MYO3B: variants seen among roughly 807,000 people sequenced by gnomAD.
MYO3B encodes myosin IIIB, also known as myosin-IIIb.
Under a neutral mutation model 174.6 loss-of-function variants are expected in MYO3B, and 156 were observed. The observed-to-expected ratio is 0.89, with a 90% CI of 0.78 to 1.02. The LOEUF is 1.02. Among genes scored for constraint, MYO3B ranks in the 50% least tolerant of loss-of-function variants. The pLI, the probability that MYO3B is intolerant of heterozygous loss-of-function variation, is 0.00. For synonymous variants in MYO3B, 563 were observed against 569.1 expected, an observed-to-expected ratio of 0.99 and a Z score of 0.15; for missense variants, 1,632 against 1,639.4, an observed-to-expected ratio of 1.00 and a Z score of 0.08.
chr2:170,540,031 A>G (rs527977232), intron 30 of MYO3B, among the ~76,000 whole-genome samples: 7 of 152,256 alleles, frequency 4.6e-5, no homozygotes, highest in Non-Finnish European at 2.9e-5. Context: ...GAAGCAAATC[A>G]CTGGCTTCTT....
At chr2:170,577,068 T>C (rs1692830773) in intron 32 of MYO3B, among the ~76,000 whole-genome samples, 1 of 151,700 alleles carries the variant, frequency 6.6e-6, no homozygotes, top group Non-Finnish European at 1.5e-5. Flanking sequence ...GGAAGCCAAA[T>C]GCCAAGTGGC....
intron 8 of MYO3B, among the ~76,000 whole-genome samples, chr2:170,359,818 AT>A (rs2094148015): frequency 6.6e-6 from 1 of 152,142 alleles, no homozygotes; most frequent in South Asian, 2.1e-4. Context: ...TTAAATTATT[AT>A]TATTTATGTC....
At position 170,272,949 on chromosome 2, in the gene MYO3B, C is replaced by A. The variant is rs1028434140; in HGVS notation, c.749+36813C>A. On this transcript the variant is annotated intron_variant, in intron 7 of 34. Transcript: ENST00000408978. Reference sequence around the variant, plus strand: ...ATGTCTGGATTCTGTTACAGCAGCACAAAACAGACTAAGATAGTAACCATT... The same window carrying A: ...ATGTCTGGATTCTGTTACAGCAGCAAAAAACAGACTAAGATAGTAACCATT... 2.6e-5 allele frequency among the ~76,000 whole-genome samples: 4 copies of A among 152,228 alleles called. 1 individual carries two copies. The highest frequency in any genetic ancestry group is 2.6e-4 in the Admixed American group (4 of 15,282).
chr2:170,209,291 T>C (rs929737728), intron 3 of MYO3B, among the ~76,000 whole-genome samples: 2 of 152,218 alleles, frequency 1.3e-5, no homozygotes, highest in Non-Finnish European at 2.9e-5. Context: ...GGGACATATA[T>C]GCTCCAAATT....
At chr2:170,501,645 A>G in intron 27 of MYO3B, 140 bp from the exon 28 acceptor site, 1 of 601,930 alleles carries the variant, frequency 1.7e-6, no homozygotes, top group Non-Finnish European at 3.0e-6. Flanking sequence ...TAGATCACAT[A>G]CCTCTGCTTA....
At chr2:170,339,829 T>C (rs2093966577) in intron 8 of MYO3B, among the ~76,000 whole-genome samples, 1 of 152,228 alleles carries the variant, frequency 6.6e-6, no homozygotes, top group Non-Finnish European at 1.5e-5. Flanking sequence ...TATGATAAAT[T>C]AAATGCAATG....
At chr2:170,257,086 C>T (rs1453674429) in intron 7 of MYO3B, among the ~76,000 whole-genome samples, 1 of 152,066 alleles carries the variant, frequency 6.6e-6, no homozygotes, top group East Asian at 1.9e-4. Context: ...AATGTTGGAG[C>T]ACCAAGATTT....
intron 32 of MYO3B, among the ~76,000 whole-genome samples, chr2:170,571,887 T>C (rs567451874): frequency 3.3e-5 from 5 of 152,316 alleles, no homozygotes; most frequent in African/African-American, 1.2e-4. Context: ...AGGCAGTAAA[T>C]CTCAATGACA....
chr2:170,357,605 CT>C (rs1368949590), intron 8 of MYO3B, among the ~76,000 whole-genome samples: 1 of 151,356 alleles, frequency 6.6e-6, no homozygotes, highest in Non-Finnish European at 1.5e-5. Flanking sequence ...TCACATATAC[CT>C]TTATTTATTT....
At chr2:170,606,493 C>A (rs1357092263) in intron 32 of MYO3B, among the ~76,000 whole-genome samples, 1 of 152,192 alleles carries the variant, frequency 6.6e-6, no homozygotes, top group Non-Finnish European at 1.5e-5. Context: ...GTAATTTTGA[C>A]TTAAAACAAT....
chr2:170,465,157 G>A (rs971311017), intron 24 of MYO3B, among the ~76,000 whole-genome samples: 1 of 152,090 alleles, frequency 6.6e-6, no homozygotes, highest in Middle Eastern at 3.2e-3. Flanking sequence ...ACAGGCATGA[G>A]CCACTGTGCC....
At chr2:170,313,288 T>G (rs959189850) in intron 7 of MYO3B, among the ~76,000 whole-genome samples, 1 of 152,218 alleles carries the variant, frequency 6.6e-6, no homozygotes, top group South Asian at 2.1e-4. Flanking sequence ...GGGAGTAATA[T>G]GGATTATGTG....
At chr2:170,267,356 G>A (rs773975997) in intron 7 of MYO3B, among the ~76,000 whole-genome samples, 2 of 152,134 alleles carry the variant, frequency 1.3e-5, no homozygotes, top group South Asian at 2.1e-4. Context: ...ACATTCCATT[G>A]GCCAATACTT....
chr2:170,299,685 T>C (rs1463159483), intron 7 of MYO3B, among the ~76,000 whole-genome samples: 4 of 152,232 alleles, frequency 2.6e-5, no homozygotes, highest in Admixed American at 1.3e-4. Context: ...AGGGCCAGAA[T>C]TAGAAATCGA....
intron 8 of MYO3B, among the ~76,000 whole-genome samples, chr2:170,366,118 TG>T (rs1013446357): frequency 6.6e-6 from 1 of 152,158 alleles, no homozygotes; most frequent in African/African-American, 2.4e-5. Context: ...GCATCATCCC[TG>T]TATGTAAGTT....
intron 7 of MYO3B, among the ~76,000 whole-genome samples, chr2:170,316,842 C>T (rs933708173): frequency 4.6e-5 from 7 of 152,130 alleles, no homozygotes; most frequent in Non-Finnish European, 7.3e-5. Flanking sequence ...CATCTGTTTG[C>T]GAGAATGGTG....
At chr2:170,596,335 G>A (rs1265853725) in intron 32 of MYO3B, among the ~76,000 whole-genome samples, 1 of 152,194 alleles carries the variant, frequency 6.6e-6, no homozygotes, top group Non-Finnish European at 1.5e-5. Context: ...TTCAGGTAGA[G>A]GCCCTGGAGA....
chr2:170,232,596 C>G (rs749984215), intron 6 of MYO3B, among the ~76,000 whole-genome samples: 1 of 152,238 alleles, frequency 6.6e-6, no homozygotes, highest in Non-Finnish European at 1.5e-5. Flanking sequence ...TTATCCTTCT[C>G]CCTGCCTGGG....
At chr2:170,623,717 T>C (rs866834259) in intron 32 of MYO3B, among the ~76,000 whole-genome samples, 1 of 152,242 alleles carries the variant, frequency 6.6e-6, no homozygotes, top group South Asian at 2.1e-4. Context: ...GTCTAACATT[T>C]AAGTTTTTAA....
Sources: gnomAD v4.1 joint callset for allele counts (sites outside exome capture counted in the v4.1 genomes callset) on GRCh38, gnomAD v4.1.1 for gene constraint, MANE v1.5 for transcripts, NCBI Gene and HGNC (gene_info 2026-07-23, HGNC 2026-07-21) for gene names.